NKAIN2: variants seen among roughly 807,000 people sequenced by gnomAD.
The protein encoded by NKAIN2 is sodium/potassium-transporting ATPase subunit beta-1-interacting protein 2.
A neutral mutation model predicts 32.6 loss-of-function variants in NKAIN2; 14 were observed. The observed-to-expected ratio is 0.43, with a 90% CI of 0.28 to 0.67. The LOEUF is 0.67. Among genes scored for constraint, NKAIN2 ranks in the 30% least tolerant of loss-of-function variants. The pLI is 0.17. For missense variants in NKAIN2, 198 were observed against 258.3 expected (o/e 0.77, Z 1.60); for synonymous variants, 80 against 87.2 (o/e 0.92, Z 0.46).
At chr6:123,852,673 AGAAG>A (rs1373915453) in intron 1 of NKAIN2, among the ~76,000 whole-genome samples, 1 of 152,226 alleles carries the variant, frequency 6.6e-6, no homozygotes, top group Non-Finnish European at 1.5e-5. Flanking sequence ...GCCTTTAAAA[AGAAG>A]GAAATCCTAT....
In NKAIN2 at chr6:124,071,244, G is replaced by A. The variant is rs1368066652; in HGVS notation, c.55-211761G>A. Among the ~76,000 whole-genome samples, 8 of 152,184 alleles carry A rather than the reference G, an allele frequency of 5.3e-5. No homozygotes were observed. The East Asian group carries it at 1.5e-3, about 29-fold the overall frequency. ...TCCTATTCAATAAATTTTAATAAAT[G>A]GTGCTGGGAAAACTGGCTAGCCATA... is the stretch of plus-strand genomic sequence containing the variant. On this transcript the variant is annotated intron_variant, in intron 1 of 6. Coordinates refer to ENST00000368417, the MANE Select transcript of NKAIN2 (RefSeq NM_001040214.3).
chr6:123,862,553 TC>T (rs1267987925), intron 1 of NKAIN2, among the ~76,000 whole-genome samples: 1 of 152,162 alleles, frequency 6.6e-6, no homozygotes, highest in Non-Finnish European at 1.5e-5. Flanking sequence ...CATCTTAGCA[TC>T]CCCGGCCAAC....
At chr6:123,986,408 T>G (rs1047067575) in intron 1 of NKAIN2, among the ~76,000 whole-genome samples, 4 of 152,218 alleles carry the variant, frequency 2.6e-5, no homozygotes, top group African/African-American at 9.6e-5. Context: ...CAGCTATTTT[T>G]CTTTTGCCTC....
chr6:124,572,219 A>G (rs1478828986), intron 3 of NKAIN2, among the ~76,000 whole-genome samples: 1 of 152,162 alleles, frequency 6.6e-6, no homozygotes, highest in Non-Finnish European at 1.5e-5. Context: ...GCTCACTCAC[A>G]TTGGGGAGGG....
intron 5 of NKAIN2, among the ~76,000 whole-genome samples, chr6:124,803,303 G>A (rs1258495276): frequency 6.6e-6 from 1 of 152,172 alleles, no homozygotes; most frequent in African/African-American, 2.4e-5. Flanking sequence ...AATCTGAGAG[G>A]AACAGGTAAG....
chr6:123,883,560 C>T (rs1213792737), intron 1 of NKAIN2, among the ~76,000 whole-genome samples: 1 of 151,840 alleles, frequency 6.6e-6, no homozygotes, highest in African/African-American at 2.4e-5. Flanking sequence ...TCACCTTCTG[C>T]CATGATTGTA....
chr6:124,073,704 A>C (rs1219103323), intron 1 of NKAIN2, among the ~76,000 whole-genome samples: 1 of 152,136 alleles, frequency 6.6e-6, no homozygotes, highest in Non-Finnish European at 1.5e-5. Context: ...GACTAAAAAG[A>C]CAAATCCCTC....
intron 3 of NKAIN2, among the ~76,000 whole-genome samples, chr6:124,559,269 A>T (rs1441708532): frequency 1.3e-5 from 2 of 152,200 alleles, no homozygotes; most frequent in Non-Finnish European, 2.9e-5. Context: ...TGCAGAATAG[A>T]ATAGATAATG....
At chr6:124,000,978 G>A (rs1779855609) in intron 1 of NKAIN2, among the ~76,000 whole-genome samples, 7 of 151,878 alleles carry the variant, frequency 4.6e-5, no homozygotes, top group Admixed American at 4.6e-4. Flanking sequence ...TGACGTGAAT[G>A]GTAGATCACC....
At chr6:124,766,879 T>A in intron 4 of NKAIN2, among the ~76,000 whole-genome samples, 1 of 152,066 alleles carries the variant, frequency 6.6e-6, no homozygotes, top group East Asian at 1.9e-4. Context: ...ATTTTCCTCC[T>A]TTGAGCTGTC....
At chr6:123,982,996 C>T (rs1322948777) in intron 1 of NKAIN2, among the ~76,000 whole-genome samples, 1 of 146,732 alleles carries the variant, frequency 6.8e-6, no homozygotes, top group Non-Finnish European at 1.5e-5. Context: ...CCCCCGCCCC[C>T]AACCTTTTTC....
chr6:124,089,106 C>T (rs1024875569), intron 1 of NKAIN2, among the ~76,000 whole-genome samples: 2 of 151,980 alleles, frequency 1.3e-5, no homozygotes, highest in Non-Finnish European at 2.9e-5. Flanking sequence ...TAAAGTCAAT[C>T]ACCATTGACA....
chr6:124,493,707 C>CT (rs979284979), intron 3 of NKAIN2, among the ~76,000 whole-genome samples: 2 of 37,842 alleles, frequency 5.3e-5, no homozygotes, highest in Non-Finnish European at 1.0e-4. Flanking sequence ...TGCACACCAA[C>CT]CCCCCCCTCC....
intron 3 of NKAIN2, among the ~76,000 whole-genome samples, chr6:124,557,559 T>C (rs1316814027): frequency 6.6e-6 from 1 of 152,164 alleles, no homozygotes; most frequent in Non-Finnish European, 1.5e-5. Context: ...ACTGTCCCTA[T>C]AGACAATACA....
chr6:124,393,256 T>C (rs1233751545), intron 3 of NKAIN2, among the ~76,000 whole-genome samples: 1 of 152,156 alleles, frequency 6.6e-6, no homozygotes, highest in Non-Finnish European at 1.5e-5. Context: ...TACAGAGATA[T>C]TCATTAGCAT....
In NKAIN2 at chr6:124,033,085, T is replaced by C. The variant is rs376519948; in HGVS notation, c.54+228831T>C. ...CTGAGCCAGAGGAAAGCAAATAGAT[T>C]TCTCTTTCTTTTAGCCAAAATGTAG... On this transcript the variant is annotated intron_variant, in intron 1 of 6. Transcript: ENST00000368417. Among the ~76,000 whole-genome samples, 32 of 152,214 alleles carry C rather than the reference T, an allele frequency of 2.1e-4. No individual in the cohort carries two copies. In the East Asian group the frequency reaches 4.8e-3, roughly 23 times the overall value.
intron 2 of NKAIN2, among the ~76,000 whole-genome samples, chr6:124,347,005 C>T (rs199825851): frequency 0.081 from 12,305 of 152,114 alleles, 486 homozygotes; most frequent in African/African-American, 0.1. Flanking sequence ...GTGCTTCCTT[C>T]AGGAGCTCTT....
chr6:123,987,966 G>A (rs1477035274), intron 1 of NKAIN2, among the ~76,000 whole-genome samples: 3 of 152,150 alleles, frequency 2.0e-5, no homozygotes, highest in Admixed American at 6.5e-5. Context: ...TTAGAATTCT[G>A]ACTACTCCAG....
chr6:124,781,551 A>C (rs1779264841), intron 4 of NKAIN2, among the ~76,000 whole-genome samples: 1 of 152,166 alleles, frequency 6.6e-6, no homozygotes, highest in Non-Finnish European at 1.5e-5. Context: ...AATGCACAGA[A>C]ATACAATTGC....
Sources: allele counts gnomAD v4.1 joint callset (sites outside exome capture counted in the v4.1 genomes callset), GRCh38; gene constraint gnomAD v4.1.1; transcripts MANE v1.5; gene names NCBI Gene and HGNC (gene_info 2026-07-23, HGNC 2026-07-21).